WDR36: variants seen among roughly 807,000 people sequenced by gnomAD.
WDR36 encodes WD repeat-containing protein 36.
WDR36 carries 63 observed loss-of-function variants against 112.7 expected under a neutral mutation model. That is an observed-to-expected ratio of 0.56 (90% CI 0.46 to 0.69). The LOEUF (loss-of-function observed/expected upper bound fraction) is 0.69, where lower values mean the gene tolerates loss of function less well. Among genes scored for constraint, WDR36 ranks in the 30% least tolerant of loss-of-function variants. The pLI is 0.00. For missense variants in WDR36, 1,226 were observed against 1,070.3 expected (o/e 1.15, Z -2.03); for synonymous variants, 410 against 362.2 (o/e 1.13, Z -1.50).
intron 16 of WDR36, among the ~76,000 whole-genome samples, chr5:111,118,123 A>T (rs955228328): frequency 6.6e-6 from 1 of 152,152 alleles, no homozygotes. Context: ...CGATTATAAG[A>T]TTAACACAAA....
chr5:111,125,511 A>G (rs1753662052), intron 21 of WDR36, 97 bp from the exon 22 acceptor site: 1 of 1,256,900 alleles, frequency 8.0e-7, no homozygotes, highest in Non-Finnish European at 1.1e-6. Flanking sequence ...TTCCTGTACC[A>G]TTTAAATATA....
intron 10 of WDR36, 39 bp downstream of exon 10, chr5:111,105,399 G>T: frequency 6.4e-7 from 1 of 1,564,922 alleles, no homozygotes; most frequent in South Asian, 1.1e-5. Context: ...GGTCACGAAA[G>T]AAACATTTCA....
In WDR36 at chr5:111,128,690, G is replaced by A. The variant is rs539621002; in HGVS notation, c.*1807G>A. 1.1e-5 allele frequency: 2 copies of A among 182,560 alleles called. No homozygotes were observed. Among genetic ancestry groups the A allele is most frequent in the Non-Finnish European group, 2.3e-5 (2 of 85,694 alleles). The allele number at this position is 182,560 out of a possible 1,614,324, so 11.3% of individuals were successfully genotyped here. On this transcript the variant is annotated 3_prime_UTR_variant, in exon 23 of 23. Transcript: ENST00000513710. ...TGTATTGTTACCAGAGATATATTTA[G>A]ATAGAATACATCATTTTGGCAGGTA...
At chr5:111,092,945 G>A (rs1227883527) in intron 1 of WDR36, among the ~76,000 whole-genome samples, 3 of 152,222 alleles carry the variant, frequency 2.0e-5, no homozygotes, top group Non-Finnish European at 4.4e-5. Flanking sequence ...TCTACCTCTT[G>A]CATTCTTAAT....
chr5:111,099,986 G>T (rs1753087028), intron 4 of WDR36, among the ~76,000 whole-genome samples: 1 of 151,934 alleles, frequency 6.6e-6, no homozygotes, highest in Admixed American at 6.6e-5. Flanking sequence ...TGTAACCAAA[G>T]ATTTCAGAGA....
At chr5:111,113,613 C>A (rs1289142221) in intron 16 of WDR36, among the ~76,000 whole-genome samples, 1 of 152,014 alleles carries the variant, frequency 6.6e-6, no homozygotes, top group Non-Finnish European at 1.5e-5. Context: ...AGTCTTAGTG[C>A]ATTTTCTGTT....
chr5:111,107,228 C>G, intron 11 of WDR36, 66 bp from the exon 12 acceptor site: 1 of 1,550,522 alleles, frequency 6.4e-7, no homozygotes, highest in Non-Finnish European at 8.8e-7. Flanking sequence ...TATTGGATGC[C>G]TAATAAGTAA....
Position 111,106,144 on chromosome 5 carries a change from G to A in WDR36, c.1180+1G>A. 2 of 1,608,564 alleles carry A rather than the reference G, an allele frequency of 1.2e-6. No individual in the cohort carries two copies. Among genetic ancestry groups the A allele is most frequent in the Non-Finnish European group, 1.7e-6 (2 of 1,175,900 alleles). ...CCACCCATCACAAAGTTTGCAGCAG[G>A]TAAGTAACTTCAAACTGTGTTTTGA... On this transcript the variant is annotated splice_donor_variant, in intron 11 of 22. Coordinates refer to ENST00000513710, the MANE Select transcript of WDR36 (RefSeq NM_139281.3). LOFTEE classifies it high-confidence loss of function.
chr5:111,110,082 C>G (rs1406714135), intron 12 of WDR36, 107 bp from the exon 13 acceptor site: 1 of 771,910 alleles, frequency 1.3e-6, no homozygotes, highest in African/African-American at 1.8e-5. Context: ...ATTTATTGTT[C>G]TTTTGTTAAA....
At chr5:111,097,330 A>G (rs1055852457) in intron 3 of WDR36, 151 bp downstream of exon 3, 6 of 647,678 alleles carry the variant, frequency 9.3e-6, no homozygotes, top group Non-Finnish European at 1.4e-5. Flanking sequence ...CTGGAGGAAG[A>G]TAAATTTTCA....
In WDR36 at chr5:111,105,304, G is replaced by C; in HGVS notation, c.1037G>C (p.Gly346Ala). 1 of 1,609,832 alleles carries C rather than the reference G, an allele frequency of 6.2e-7. No homozygotes were observed. ...CTGTGTATATCAACAGGTCAAGATG[G>C]AACTCTTCAGTCATTTTCCACGGTA... Reference protein sequence around the residue: ...GQQILSASQDGTLQSFSTVHE... With the variant: ...GQQILSASQDATLQSFSTVHE... The change falls in exon 10 of 23, where the codon GGA becomes GCA. Residue 346 changes from glycine (G) to alanine (A), a missense_variant. Transcript: ENST00000513710.
Position 111,103,786 on chromosome 5 carries a change from G to T in WDR36, c.598G>T (p.Ala200Ser). The change falls in exon 7 of 23, where the codon GCA (alanine) becomes TCA (serine). Residue 200 changes from alanine to serine, a missense_variant and splice_region_variant. Coordinates refer to ENST00000513710, the MANE Select transcript of WDR36 (RefSeq NM_139281.3). ...AAAGTTTGAATAATTTAATTTTTAG[G>T]CACCAGCCGTGGATGTTGTTGCTAT... ...WKVGVTALQQAPAVDVVAIGL... is the reference protein window; with the variant it reads ...WKVGVTALQQSPAVDVVAIGL... 6.2e-7 allele frequency: 1 copy of T among 1,610,474 alleles called. No homozygotes were observed. Among genetic ancestry groups the T allele is most frequent in the Non-Finnish European group, 8.5e-7 (1 of 1,177,706 alleles).
At chr5:111,105,458 T>C in intron 10 of WDR36, 98 bp downstream of exon 10, 10 of 1,134,522 alleles carry the variant, frequency 8.8e-6, no homozygotes, top group Non-Finnish European at 1.2e-5. Context: ...ATTTTATTTT[T>C]TCTTGGATGA....
Position 111,103,541 on chromosome 5 carries a change from G to A in WDR36, c.598-245G>A, listed in dbSNP as rs78100983. On this transcript the variant is annotated intron_variant, in intron 6 of 22. Coordinates refer to ENST00000513710, the MANE Select transcript of WDR36 (RefSeq NM_139281.3). ...CAAAATCTTACCAGCTAGGTTTTGG[G>A]AATGAGGATGGGATGTTGACTGGCA... is the stretch of plus-strand genomic sequence containing the variant. Among the ~76,000 whole-genome samples, 3,472 of 151,800 alleles carry A rather than the reference G, an allele frequency of 0.023. 139 individuals are homozygous for A. The highest frequency in any genetic ancestry group is 0.081 in the African/African-American group (3,348 of 41,472).
intron 21 of WDR36, among the ~76,000 whole-genome samples, chr5:111,124,955 C>G (rs1490824447): frequency 3.9e-5 from 6 of 152,124 alleles, no homozygotes; most frequent in African/African-American, 7.2e-5. Context: ...TGGTGATACT[C>G]TTTTTCAGAA....
rs201440185 is a variant in WDR36 at position 111,125,814 on chromosome 5, A to G, written c.2538+19A>G. The stretch of plus-strand genomic sequence containing the variant: ...TCTAAAGGTAAGTCTAATGTAAGAC[A>G]GTACTGCCCAGCTTGTCTTCTTCTG... On this transcript the variant is annotated intron_variant, in intron 22 of 22. Coordinates refer to ENST00000513710, the MANE Select transcript of WDR36 (RefSeq NM_139281.3). The G allele has an allele frequency of 1.2e-6, 2 of 1,613,254 alleles. No homozygotes were observed. The highest frequency in any genetic ancestry group is 1.7e-5 in the Admixed American group (1 of 59,998).
intron 20 of WDR36, 56 bp downstream of exon 20, chr5:111,123,980 C>CTGCA: frequency 6.2e-7 from 1 of 1,610,856 alleles, no homozygotes; most frequent in East Asian, 2.2e-5. Context: ...TATGTGTTTT[C>CTGCA]TGCACTTCTT....
intron 2 of WDR36, among the ~76,000 whole-genome samples, chr5:111,095,401 A>C (rs1000351482): frequency 6.6e-6 from 1 of 152,196 alleles, no homozygotes; most frequent in African/African-American, 2.4e-5. Flanking sequence ...ATTTGTAACG[A>C]ATAAGTATCT....
rs1013489689 is a variant in WDR36 at position 111,127,715 on chromosome 5, C to T, written c.*832C>T. ...TCGCTGTAGATGGTTAAACTGATAC[C>T]AAGGATAGGTAAGGGAAATTCCAAA... On this transcript the variant is annotated 3_prime_UTR_variant, in exon 23 of 23. Transcript: ENST00000513710. 3.3e-5 allele frequency: 7 copies of T among 211,120 alleles called. No homozygotes were observed. The highest frequency in any genetic ancestry group is 5.8e-5 in the Non-Finnish European group (6 of 104,094). 13.1% of individuals were successfully genotyped at this position (211,120 alleles called of 1,614,324 possible).
Sources: gnomAD v4.1 joint callset for allele counts (sites outside exome capture counted in the v4.1 genomes callset) on GRCh38, gnomAD v4.1.1 for gene constraint, MANE v1.5 for transcripts, NCBI Gene and HGNC (gene_info 2026-07-23, HGNC 2026-07-21) for gene names.